CCN4: variants seen among roughly 807,000 people sequenced by gnomAD.
The protein encoded by CCN4 is cellular communication network factor 4.
In CCN4, 30 loss-of-function variants were observed where a neutral mutation model predicts 36.7. The ratio of observed to expected loss-of-function variants is 0.82; its 90% CI spans 0.61 to 1.11. The LOEUF is 1.11. Ranked by LOEUF, CCN4 falls within the 50% of genes least tolerant of loss-of-function variation. The pLI is 0.00. For missense variants in CCN4, 505 were observed against 504.9 expected (o/e 1.00, Z 0.00); for synonymous variants, 191 against 195.4 (o/e 0.98, Z 0.19).
Position 133,230,886 on chromosome 8 carries a change from T to A in CCN4, c.*3176T>A, listed in dbSNP as rs1854934190. On this transcript the variant is annotated 3_prime_UTR_variant, in exon 5 of 5. Transcript: ENST00000250160. ...ACAGCAAACCTATAGAATATGGCATTATCATCTGAGTCTCACAGAAGTTTA... is the reference window on the plus strand; with the variant it reads ...ACAGCAAACCTATAGAATATGGCATAATCATCTGAGTCTCACAGAAGTTTA... 1 of 152,220 alleles carries A rather than the reference T, an allele frequency of 6.6e-6. No homozygotes were observed. The highest frequency in any genetic ancestry group is 6.5e-5 in the Admixed American group (1 of 15,284). The allele number at this position is 152,220 out of a possible 1,614,324, so 9.4% of individuals were successfully genotyped here.
intron 1 of CCN4, among the ~76,000 whole-genome samples, chr8:133,199,962 T>C (rs1233711882): frequency 6.6e-6 from 1 of 151,586 alleles, no homozygotes; most frequent in South Asian, 2.1e-4. Flanking sequence ...GCGCCGAGAG[T>C]TTTACGCACT....
At position 133,200,046 on chromosome 8, in the gene CCN4, C is replaced by A. The variant is rs80101143; in HGVS notation, c.69+8833C>A. 3.9e-5 allele frequency among the ~76,000 whole-genome samples: 6 copies of A among 152,300 alleles called. No individual in the cohort carries two copies. The East Asian group carries it at 1.2e-3, about 29-fold the overall frequency. On this transcript the variant is annotated intron_variant, in intron 1 of 4. Coordinates refer to ENST00000250160, the MANE Select transcript of CCN4 (RefSeq NM_003882.4). ...GCCTAGACCAGCTCCTAGGGGTATCCTTGTGTGTCAGTCCCTTAGGCCAGT... is the reference window on the plus strand; with the variant it reads ...GCCTAGACCAGCTCCTAGGGGTATCATTGTGTGTCAGTCCCTTAGGCCAGT...
chr8:133,226,555 A>T (rs1008835438), intron 4 of CCN4, among the ~76,000 whole-genome samples: 7 of 152,192 alleles, frequency 4.6e-5, no homozygotes, highest in African/African-American at 1.4e-4. Context: ...CATTCCATAG[A>T]CATCTCTTAA....
chr8:133,221,398 C>A (rs1201389089), intron 3 of CCN4, among the ~76,000 whole-genome samples: 3 of 152,132 alleles, frequency 2.0e-5, no homozygotes, highest in Non-Finnish European at 4.4e-5. Context: ...TAATGTTTGT[C>A]ATACTGATGG....
At chr8:133,200,095 G>A (rs1238768132) in intron 1 of CCN4, among the ~76,000 whole-genome samples, 1 of 152,186 alleles carries the variant, frequency 6.6e-6, no homozygotes, top group Non-Finnish European at 1.5e-5. Context: ...ATCTGAGCCA[G>A]GGATCCAGTG....
intron 3 of CCN4, among the ~76,000 whole-genome samples, chr8:133,221,458 G>A (rs1854524447): frequency 1.3e-5 from 2 of 152,170 alleles, no homozygotes. Context: ...GTGGATGGAT[G>A]GATGGATGGA....
intron 1 of CCN4, among the ~76,000 whole-genome samples, chr8:133,198,734 G>T (rs1166112600): frequency 1.3e-5 from 2 of 152,154 alleles, no homozygotes; most frequent in African/African-American, 4.8e-5. Context: ...AGGGAAACAC[G>T]TCGCCCAGCT....
chr8:133,201,935 A>C (rs1853602530), intron 1 of CCN4, among the ~76,000 whole-genome samples: 1 of 152,232 alleles, frequency 6.6e-6, no homozygotes, highest in Admixed American at 6.5e-5. Flanking sequence ...GATAATTATC[A>C]AAGCTGCCGA....
chr8:133,196,596 A>T (rs2977519), intron 1 of CCN4, among the ~76,000 whole-genome samples: 80,908 of 152,022 alleles, frequency 0.53, 23,533 homozygotes, highest in Middle Eastern at 0.69. Flanking sequence ...GGAGGGAGAA[A>T]TGCCAAGGGT....
chr8:133,201,431 G>C (rs1853584125), intron 1 of CCN4, among the ~76,000 whole-genome samples: 1 of 152,176 alleles, frequency 6.6e-6, no homozygotes, highest in South Asian at 2.1e-4. Context: ...TAATTTATTG[G>C]TGTGATAATT....
intron 3 of CCN4, among the ~76,000 whole-genome samples, chr8:133,222,527 GT>G (rs966226093): frequency 3.3e-5 from 5 of 151,706 alleles, no homozygotes; most frequent in African/African-American, 1.2e-4. Flanking sequence ...GCTGCTGGTG[GT>G]GATGGCTGGG....
At chr8:133,213,382 C>T (rs1006095891) in intron 2 of CCN4, among the ~76,000 whole-genome samples, 3 of 152,164 alleles carry the variant, frequency 2.0e-5, no homozygotes, top group African/African-American at 4.8e-5. Context: ...CCTGGAGGCA[C>T]ATTCATGGCT....
chr8:133,227,120 T>C (rs1247693673), intron 4 of CCN4, among the ~76,000 whole-genome samples: 1 of 152,146 alleles, frequency 6.6e-6, no homozygotes, highest in Non-Finnish European at 1.5e-5. Context: ...GAAACCATGA[T>C]GAATGACTGG....
chr8:133,207,685 T>G (rs1853829553), intron 1 of CCN4, among the ~76,000 whole-genome samples: 1 of 151,906 alleles, frequency 6.6e-6, no homozygotes, highest in Admixed American at 6.6e-5. Flanking sequence ...TATGAGATAG[T>G]GCAAACAGAG....
intron 1 of CCN4, among the ~76,000 whole-genome samples, chr8:133,197,636 C>T (rs1031687505): frequency 8.5e-5 from 13 of 152,094 alleles, no homozygotes; most frequent in African/African-American, 1.7e-4. Flanking sequence ...CAAATGTGAA[C>T]GATGGGCATT....
chr8:133,226,418 CTATA>C (rs1333709861), intron 4 of CCN4, among the ~76,000 whole-genome samples: 1 of 152,212 alleles, frequency 6.6e-6, no homozygotes, highest in Non-Finnish European at 1.5e-5. Context: ...CTCCAGTCAT[CTATA>C]TATTGATCAA....
At chr8:133,209,647 A>G (rs1269756868) in intron 1 of CCN4, among the ~76,000 whole-genome samples, 1 of 152,224 alleles carries the variant, frequency 6.6e-6, no homozygotes, top group Admixed American at 6.5e-5. Context: ...AGGAGGATGG[A>G]TAGTGATCCC....
At chr8:133,219,010 G>A (rs557603679) in intron 2 of CCN4, among the ~76,000 whole-genome samples, 19 of 152,158 alleles carry the variant, frequency 1.2e-4, no homozygotes, top group African/African-American at 3.6e-4. Context: ...TCTGGAAGCC[G>A]AGCTCTTCTC....
At chr8:133,212,309 G>A (rs572506760) in intron 1 of CCN4, among the ~76,000 whole-genome samples, 2 of 152,234 alleles carry the variant, frequency 1.3e-5, no homozygotes, top group African/African-American at 2.4e-5. Flanking sequence ...GCTGCACCAC[G>A]CCAGCCCTTT....
Sources: gnomAD v4.1 joint callset for allele counts (sites outside exome capture counted in the v4.1 genomes callset) on GRCh38, gnomAD v4.1.1 for gene constraint, MANE v1.5 for transcripts, NCBI Gene and HGNC (gene_info 2026-07-23, HGNC 2026-07-21) for gene names.